The following NEMP1 variants were observed in gnomAD, a reference collection of about 807,000 sequenced individuals.
NEMP1 encodes the protein transmembrane protein 194.
NEMP1 carries 29 observed loss-of-function variants against 53.7 expected under a neutral mutation model. The ratio of observed to expected loss-of-function variants is 0.54; its 90% CI spans 0.40 to 0.74. The LOEUF is 0.74. Ranked by LOEUF, NEMP1 falls within the 30% of genes least tolerant of loss-of-function variation. The probability of loss-of-function intolerance (pLI) is 0.00; values close to 1 mark genes in which losing one functional copy is unlikely to be tolerated. For missense variants in NEMP1, 477 were observed against 528.6 expected (o/e 0.90, Z 0.96); for synonymous variants, 193 against 192.9 (o/e 1.00, Z 0.00).
At position 57,063,127 on chromosome 12, in the gene NEMP1, G is replaced by A. The variant is rs766180136; in HGVS notation, c.972C>T (p.Ile324=). 6.2e-7 allele frequency: 1 copy of A among 1,611,764 alleles called. No homozygotes were observed. The highest frequency in any genetic ancestry group is 8.5e-7 in the Non-Finnish European group (1 of 1,177,852). Residue 324 remains isoleucine (I), a synonymous_variant, in exon 7 of 9, where the codon ATC becomes ATT. Coordinates refer to ENST00000300128, the MANE Select transcript of NEMP1 (RefSeq NM_001130963.2). Reference sequence around the variant, plus strand: ...CATTGCCTTTCAGTCACCTGCAGGTGATGTACAGCCACTGAATAGGGTGTT... The same window carrying A: ...CATTGCCTTTCAGTCACCTGCAGGTAATGTACAGCCACTGAATAGGGTGTT... ...NLEHPIQWLY[I]TCRKVCKGAE...
chr12:57,060,694 C>T, intron 8 of NEMP1, 78 bp downstream of exon 8: 1 of 1,449,032 alleles, frequency 6.9e-7, no homozygotes, highest in Non-Finnish European at 9.3e-7. Context: ...GTGCACGATT[C>T]TCTAGAAGTA....
rs753007845 is a variant in NEMP1 at position 57,078,660 on chromosome 12, C to A, written c.86G>T (p.Arg29Leu). ...GCAGCCGGAGAGGATCAAGAGTAGC[C>A]GCACTGTCCCACCGCCCCCGACTCC... ...GSGVGGGGTV[R>L]LLLILSGCLV... Residue 29 changes from arginine (R) to leucine (L), a missense_variant, in exon 1 of 9, where the codon CGG (arginine) becomes CTG (leucine). Physicochemically the swap from Arg to Leu is moderately radical, Grantham distance 102. Coordinates refer to ENST00000300128, the MANE Select transcript of NEMP1 (RefSeq NM_001130963.2). 1 of 1,613,406 alleles carries A rather than the reference C, an allele frequency of 6.2e-7. No homozygotes were observed. The highest frequency in any genetic ancestry group is 1.3e-5 in the African/African-American group (1 of 75,038).
intron 2 of NEMP1, among the ~76,000 whole-genome samples, chr12:57,071,683 A>AC (rs778014824): frequency 6.6e-6 from 1 of 152,142 alleles, no homozygotes; most frequent in Non-Finnish European, 1.5e-5. Flanking sequence ...CCGGCTTGTC[A>AC]GACATTTTTT....
At chr12:57,067,090 C>G (rs1380023291) in intron 4 of NEMP1, among the ~76,000 whole-genome samples, 5 of 152,180 alleles carry the variant, frequency 3.3e-5, no homozygotes, top group African/African-American at 1.2e-4. Flanking sequence ...CTTTGGGAGG[C>G]TGAGGCAGGC....
rs572880966 is a variant in NEMP1 at position 57,058,287 on chromosome 12, C to A, written c.*1592G>T. 1 of 152,298 alleles carries A rather than the reference C, an allele frequency of 6.6e-6. No individual in the cohort carries two copies. The highest frequency in any genetic ancestry group is 1.9e-4 in the East Asian group (1 of 5,190). 9.4% of individuals were successfully genotyped at this position (152,298 alleles called of 1,614,324 possible). ...AAGTCTGCAATGGAGCTAGGCCTTT[C>A]AAAATTACCACGCTAAATGGCTGGT... On this transcript the variant is annotated 3_prime_UTR_variant, in exon 9 of 9. Transcript: ENST00000300128.
At chr12:57,087,852 C>T (rs1055976534) in intron 1 of NEMP1, 2 of 152,288 alleles carry the variant, frequency 1.3e-5, no homozygotes, top group Non-Finnish European at 2.9e-5. Context: ...CCCCCACCCC[C>T]CCTCCTTTCC....
At chr12:57,079,539 T>A (rs1045612195), upstream of NEMP1, among the ~76,000 whole-genome samples, 4 of 152,196 alleles carry the variant, frequency 2.6e-5, no homozygotes, top group African/African-American at 9.7e-5. Flanking sequence ...TCCTACTGAC[T>A]CCAAAGCCGG....
At chr12:57,081,602 AAAC>A (rs1178885408), upstream of NEMP1, among the ~76,000 whole-genome samples, 22 of 151,682 alleles carry the variant, frequency 1.5e-4, no homozygotes, top group South Asian at 2.5e-3. Context: ...TGGAACAGAA[AAAC>A]ACATTAGTTT....
chr12:57,059,797 A>AT lies in NEMP1; in HGVS notation c.*81_*82insA. ...TACCCTATCTATCTCACTCTGTTTC[A>AT]AAGGGTTGAAAGCAATTGCACAACA... On this transcript the variant is annotated 3_prime_UTR_variant, in exon 9 of 9. Transcript: ENST00000300128. The AT allele has an allele frequency of 7.7e-7, 1 of 1,297,516 alleles. No homozygotes were observed. The highest frequency in any genetic ancestry group is 1.1e-6 in the Non-Finnish European group (1 of 931,622). The allele number at this position is 1,297,516 out of a possible 1,614,324, so 80.4% of individuals were successfully genotyped here.
upstream of NEMP1, among the ~76,000 whole-genome samples, chr12:57,081,643 C>T (rs990158611): frequency 6.6e-6 from 1 of 151,624 alleles, no homozygotes; most frequent in African/African-American, 2.4e-5. Flanking sequence ...CACGGTGGCT[C>T]ATGCCTGTAA....
intron 1 of NEMP1, among the ~76,000 whole-genome samples, chr12:57,077,205 G>A (rs1419906041): frequency 1.3e-5 from 2 of 150,322 alleles, no homozygotes; most frequent in East Asian, 2.0e-4. Flanking sequence ...GGTGGTGGGC[G>A]CCTGTAGTCC....
intron 1 of NEMP1, among the ~76,000 whole-genome samples, 165 bp from the exon 2 acceptor site, chr12:57,073,077 A>G (rs913046822): frequency 2.0e-5 from 3 of 152,220 alleles, no homozygotes; most frequent in Non-Finnish European, 2.9e-5. Flanking sequence ...CTAAGGCAGA[A>G]TCTTATTTCT....
chr12:57,065,331 G>A (rs181286540), intron 4 of NEMP1, among the ~76,000 whole-genome samples: 13 of 152,202 alleles, frequency 8.5e-5, no homozygotes, highest in Non-Finnish European at 1.8e-4. Context: ...CTTAACAAGA[G>A]GATCACCCCT....
chr12:57,060,708 T>G, intron 8 of NEMP1, 64 bp downstream of exon 8: 1 of 1,500,208 alleles, frequency 6.7e-7, no homozygotes, highest in South Asian at 1.3e-5. Flanking sequence ...AGAAGTATGA[T>G]CTCTGGTAGA....
chr12:57,061,799 C>T (rs1239441882), intron 7 of NEMP1, among the ~76,000 whole-genome samples: 1 of 151,380 alleles, frequency 6.6e-6, no homozygotes, highest in Non-Finnish European at 1.5e-5. Context: ...AAGATTGAGA[C>T]TATCCTGGCC....
At chr12:57,070,585 G>T in intron 3 of NEMP1, 89 bp downstream of exon 3, 1 of 1,145,384 alleles carries the variant, frequency 8.7e-7, no homozygotes, top group Non-Finnish European at 1.3e-6. Context: ...AGCTGTCTTA[G>T]GCTGACTTCT....
intron 7 of NEMP1, among the ~76,000 whole-genome samples, chr12:57,061,699 A>C (rs1592498559): frequency 2.0e-5 from 3 of 147,218 alleles, no homozygotes; most frequent in Non-Finnish European, 4.5e-5. Flanking sequence ...ATCTCAAAAA[A>C]AAAAAAAAAC....
upstream of NEMP1, among the ~76,000 whole-genome samples, chr12:57,082,126 G>C (rs372860568): frequency 3.3e-5 from 5 of 151,786 alleles, no homozygotes; most frequent in South Asian, 4.2e-4. Flanking sequence ...TGAGGCAGGA[G>C]AATCACTTGA....
upstream of NEMP1, among the ~76,000 whole-genome samples, chr12:57,081,418 T>G (rs2032842690): frequency 6.6e-6 from 1 of 151,838 alleles, no homozygotes; most frequent in Non-Finnish European, 1.5e-5. Flanking sequence ...TAATTTCATA[T>G]TTTTAGTAGA....
Sources: allele counts gnomAD v4.1 joint callset (sites outside exome capture counted in the v4.1 genomes callset), GRCh38; gene constraint gnomAD v4.1.1; transcripts MANE v1.5; gene names NCBI Gene and HGNC (gene_info 2026-07-23, HGNC 2026-07-21).